Variants in CNN3 observed in about 807,000 individuals in gnomAD.
CNN3 encodes the protein calponin 3, also known as calponin-3.
In CNN3, 11 loss-of-function variants were observed where a neutral mutation model predicts 39.0. That is an observed-to-expected ratio of 0.28 (90% CI 0.18 to 0.47). CNN3 has a LOEUF of 0.47. Ranked by LOEUF, CNN3 falls within the 20% of genes least tolerant of loss-of-function variation. CNN3 has a pLI of 0.99. For missense variants in CNN3, 266 were observed against 403.4 expected (o/e 0.66, Z 2.92); for synonymous variants, 101 against 138.3 (o/e 0.73, Z 1.89).
intron 1 of CNN3, among the ~76,000 whole-genome samples, chr1:94,914,528 G>A (rs931142775): frequency 2.0e-5 from 3 of 152,118 alleles, no homozygotes; most frequent in Admixed American, 6.5e-5. Context: ...GAAACACCAC[G>A]CGGCTCCTTT....
intron 1 of CNN3, among the ~76,000 whole-genome samples, chr1:94,920,044 G>T (rs1263740780): frequency 6.6e-6 from 1 of 152,182 alleles, no homozygotes; most frequent in Admixed American, 6.5e-5. Flanking sequence ...AGCTGTGGAG[G>T]AATACAAGCC....
At chr1:94,906,076 G>A (rs747258186) in intron 1 of CNN3, among the ~76,000 whole-genome samples, 2 of 152,098 alleles carry the variant, frequency 1.3e-5, no homozygotes, top group African/African-American at 2.4e-5. Flanking sequence ...TCCACCTCCC[G>A]AGTTCAAGCA....
In CNN3 at chr1:94,897,655, G is replaced by A; in HGVS notation, c.*87C>T. On this transcript the variant is annotated 3_prime_UTR_variant, in exon 7 of 7. Coordinates refer to ENST00000370206, the MANE Select transcript of CNN3 (RefSeq NM_001839.5). ...TACAATAAGCTTAATAGTGTTTTAG[G>A]AAGACAAGATAAAAATTACTCAAGG... 5 of 1,229,484 alleles carry A rather than the reference G, an allele frequency of 4.1e-6. No individual in the cohort carries two copies. The highest frequency in any genetic ancestry group is 1.5e-5 in the African/African-American group (1 of 66,576). The allele number at this position is 1,229,484 out of a possible 1,614,324, so 76.2% of individuals were successfully genotyped here. A position where few individuals can be genotyped will look rare whatever the true frequency, so the allele number is the denominator to read the frequency against.
At chr1:94,925,606 G>C (rs1240744079) in intron 1 of CNN3, 1 of 985,230 alleles carries the variant, frequency 1.0e-6, no homozygotes, top group Non-Finnish European at 1.2e-6. Flanking sequence ...CTCTCCCTTG[G>C]GGTTTGACAA....
In CNN3 at chr1:94,926,180, A is replaced by G. The variant is rs1018695117; in HGVS notation, c.57+658T>C. The stretch of plus-strand genomic sequence containing the variant: ...CATAAAAAGTCTCAAGCCTAAGCAG[A>G]TATCACTCGCACAGTGGCGCGCTCA... On this transcript the variant is annotated intron_variant, in intron 1 of 6. Transcript: ENST00000370206. The surrounding 1 kb of genome is among the most constrained non-coding windows in gnomAD (Gnocchi z 4.2). Among the ~76,000 whole-genome samples, 8 of 152,334 alleles carry G rather than the reference A, an allele frequency of 5.3e-5. No homozygotes were observed. The highest frequency in any genetic ancestry group is 2.1e-4 in the South Asian group (1 of 4,826).
rs368380751 is a variant in CNN3 at position 94,910,801 on chromosome 1, C to G, written c.58-7277G>C. On this transcript the variant is annotated intron_variant, in intron 1 of 6. Transcript: ENST00000370206. ...TGACACACAACAGCATGCACGCCCT[C>G]CAATTTTATCAGCTCCAGGTACAGA... 1.1e-4 allele frequency among the ~76,000 whole-genome samples: 16 copies of G among 152,314 alleles called. 1 individual carries two copies. The highest frequency in any genetic ancestry group is 8.5e-4 in the Admixed American group (13 of 15,312).
intron 1 of CNN3, among the ~76,000 whole-genome samples, chr1:94,908,343 C>G (rs1254861534): frequency 2.0e-5 from 3 of 152,172 alleles, no homozygotes; most frequent in Admixed American, 6.5e-5. Flanking sequence ...GTGCCTGGGT[C>G]CAGGGCTCAT....
intron 5 of CNN3, among the ~76,000 whole-genome samples, chr1:94,901,443 C>T (rs1393791630): frequency 6.7e-6 from 1 of 148,592 alleles, no homozygotes; most frequent in Non-Finnish European, 1.5e-5. Context: ...TAAAAATTTT[C>T]GTTTCCTGGA....
At chr1:94,905,264 C>A (rs145888971) in intron 1 of CNN3, among the ~76,000 whole-genome samples, 12 of 152,246 alleles carry the variant, frequency 7.9e-5, no homozygotes, top group African/African-American at 9.6e-5. Context: ...CTTTTTGTGT[C>A]CATCAAAAGC....
intron 3 of CNN3, 24 bp downstream of exon 3, chr1:94,903,098 A>C: frequency 6.6e-7 from 1 of 1,515,316 alleles, no homozygotes; most frequent in Non-Finnish European, 8.9e-7. Flanking sequence ...AACTAGAACC[A>C]GAGGTGGTTG....
intron 1 of CNN3, among the ~76,000 whole-genome samples, chr1:94,920,257 G>A (rs2101740206): frequency 6.6e-6 from 1 of 152,308 alleles, no homozygotes; most frequent in East Asian, 1.9e-4. Context: ...CTGCCTGGTG[G>A]TGGAGTCCTG....
intron 1 of CNN3, chr1:94,925,663 C>T (rs911794283): frequency 6.1e-6 from 6 of 985,496 alleles, no homozygotes; most frequent in Non-Finnish European, 7.2e-6. Context: ...ACACCGCCTA[C>T]CCCCGCAGCC....
At chr1:94,910,112 C>A (rs985155190) in intron 1 of CNN3, among the ~76,000 whole-genome samples, 1 of 152,210 alleles carries the variant, frequency 6.6e-6, no homozygotes, top group Non-Finnish European at 1.5e-5. Flanking sequence ...AGCTGTGGCT[C>A]CCCGTTTTGA....
intron 1 of CNN3, among the ~76,000 whole-genome samples, chr1:94,907,233 T>C (rs1422562439): frequency 1.3e-5 from 2 of 152,142 alleles, no homozygotes; most frequent in East Asian, 3.8e-4. Flanking sequence ...CAAATAACTG[T>C]TGGTGTGGGC....
intron 1 of CNN3, among the ~76,000 whole-genome samples, chr1:94,922,191 G>C (rs1671464468): frequency 6.6e-6 from 1 of 152,184 alleles, no homozygotes; most frequent in South Asian, 2.1e-4. Flanking sequence ...AAGGCAGTAG[G>C]ATCACTTGAG....
At chr1:94,901,582 C>G (rs1193974870) in intron 5 of CNN3, 87 bp downstream of exon 5, 21 of 844,606 alleles carry the variant, frequency 2.5e-5, no homozygotes, top group Non-Finnish European at 3.7e-5. Context: ...GTACTTCTGT[C>G]TATTCTTAGG....
intron 1 of CNN3, among the ~76,000 whole-genome samples, chr1:94,907,728 C>CAGT (rs1358000375): frequency 6.6e-6 from 1 of 152,080 alleles, no homozygotes; most frequent in Admixed American, 6.6e-5. Context: ...GGTGTGGTGG[C>CAGT]GGGCGCCTGT....
At chr1:94,910,752 A>G (rs1671138547) in intron 1 of CNN3, among the ~76,000 whole-genome samples, 1 of 152,194 alleles carries the variant, frequency 6.6e-6, no homozygotes, top group South Asian at 2.1e-4. Context: ...CCTGTTCAAT[A>G]GGAATGGAAC....
chr1:94,901,939 GT>G, intron 4 of CNN3, 154 bp from the exon 5 acceptor site: 2 of 704,692 alleles, frequency 2.8e-6, no homozygotes, highest in Middle Eastern at 2.4e-4. Context: ...TGAAATGTGA[GT>G]GTTCTAAGTA....
Sources: allele counts gnomAD v4.1 joint callset (sites outside exome capture counted in the v4.1 genomes callset), GRCh38; gene constraint gnomAD v4.1.1; non-coding constraint Gnocchi (gnomAD v3.1); transcripts MANE v1.5; gene names NCBI Gene and HGNC (gene_info 2026-07-23, HGNC 2026-07-21).